Variants in GRM4 observed in about 807,000 individuals in gnomAD.
GRM4 encodes glutamate metabotropic receptor 4, also known as metabotropic glutamate receptor 4.
A neutral mutation model predicts 81.7 loss-of-function variants in GRM4; 28 were observed. That is an observed-to-expected ratio of 0.34 (90% CI 0.25 to 0.47). The LOEUF (loss-of-function observed/expected upper bound fraction) is 0.47. GRM4 is among the 20% of genes least tolerant of loss of function. The pLI, the probability that GRM4 is intolerant of heterozygous loss-of-function variation, is 1.00. For synonymous variants in GRM4, 488 were observed against 528.8 expected (o/e 0.92, Z 1.06); for missense variants, 948 against 1,290.0 (o/e 0.73, Z 4.06).
chr6:34,062,229 C>G (rs372633773), intron 3 of GRM4: 38 of 512,000 alleles, frequency 7.4e-5, no homozygotes, highest in African/African-American at 5.0e-4. Flanking sequence ...CACTTACCAG[C>G]TGGTGACCCT....
Position 34,035,909 on chromosome 6 carries a change from G to A in GRM4, c.2201C>T (p.Thr734Ile), listed in dbSNP as rs1764677689. 6.2e-7 allele frequency: 1 copy of A among 1,608,306 alleles called. No individual in the cohort carries two copies. ...ACCCCTGGCGAAGCGGGGGTCGAGT[G>A]TCCGCTGGTCCTGGAAGTCCACCAC... ...HSVVDFQDQR[T>I]LDPRFARGVL... is the part of the protein sequence containing the mutation. The change falls in exon 9 of 11, where the codon ACA (threonine) becomes ATA (isoleucine). Residue 734 changes from threonine (T) to isoleucine (I), a missense_variant. Thr to Ile is a moderately conservative substitution (Grantham distance 89, BLOSUM62 -1). Coordinates refer to ENST00000538487, the MANE Select transcript of GRM4 (RefSeq NM_000841.4). This position sits in a 1 kb window ranked among gnomAD's most constrained non-coding sequence, Gnocchi z 6.6.
rs114571842 is a variant in GRM4 at position 34,090,871 on chromosome 6, G to A, written c.736+1012C>T. ...TCGGGCACTGGTGAGCTGTGTAGAG[G>A]CAGGGCCTTGGGAGAGACCAGGGGC... On this transcript the variant is annotated intron_variant, in intron 3 of 10. Coordinates refer to ENST00000538487, the MANE Select transcript of GRM4 (RefSeq NM_000841.4). The surrounding 1 kb of genome is among the most constrained non-coding windows in gnomAD (Gnocchi z 5.2). 2.5e-3 allele frequency among the ~76,000 whole-genome samples: 383 copies of A among 152,220 alleles called. 1 individual carries two copies. The highest frequency in any genetic ancestry group is 8.8e-3 in the African/African-American group (367 of 41,526).
upstream of GRM4, among the ~76,000 whole-genome samples, chr6:34,148,949 G>C (rs1187216135): frequency 6.6e-6 from 1 of 152,144 alleles, no homozygotes; most frequent in East Asian, 1.9e-4. Context: ...GCAGGGGAAG[G>C]GGAAGGGTGA....
intron 2 of GRM4, among the ~76,000 whole-genome samples, chr6:34,113,768 G>A (rs560703576): frequency 6.6e-6 from 1 of 152,246 alleles, no homozygotes; most frequent in African/African-American, 2.4e-5. Context: ...CTGCAAATCT[G>A]GTCCTCACAT....
upstream of GRM4, among the ~76,000 whole-genome samples, chr6:34,147,648 C>T (rs544805239): frequency 2.6e-5 from 4 of 152,312 alleles, no homozygotes; most frequent in East Asian, 5.8e-4. Flanking sequence ...CAGGACAGCT[C>T]AAATTCACCC....
intron 3 of GRM4, among the ~76,000 whole-genome samples, chr6:34,071,392 C>T (rs1396450730): frequency 2.7e-5 from 1 of 36,442 alleles, no homozygotes; most frequent in Non-Finnish European, 5.5e-5. Context: ...CCACACACAT[C>T]ACATGGATAA....
Position 34,018,977 on chromosome 6 carries a change from A to AGGGGG in GRM4, c.*3839_*3843dup, listed in dbSNP as rs1763777862. 6.6e-6 allele frequency: 1 copy of AGGGGG among 152,520 alleles called. No individual in the cohort carries two copies. The highest frequency in any genetic ancestry group is 1.9e-4 in the East Asian group (1 of 5,176). 9.4% of individuals were successfully genotyped at this position (152,520 alleles called of 1,614,324 possible). A position where few individuals can be genotyped will look rare whatever the true frequency, so the allele number is the denominator to read the frequency against. ...GGGCAGATGGAAACCTGGGATGGGA[A>AGGGGG]GGGGGAGCCGTGGAGCCAGTGAGGG... On this transcript the variant is annotated 3_prime_UTR_variant, in exon 11 of 11. Coordinates refer to ENST00000538487, the MANE Select transcript of GRM4 (RefSeq NM_000841.4).
At chr6:34,040,495 C>T (rs1764954208) in intron 7 of GRM4, 53 bp downstream of exon 7, 9 of 1,526,052 alleles carry the variant, frequency 5.9e-6, no homozygotes, top group Admixed American at 1.8e-5. Flanking sequence ...CCCCTCCCCT[C>T]GGGCATGGCC....
At chr6:34,103,320 A>G (rs184034419) in intron 2 of GRM4, among the ~76,000 whole-genome samples, 339 of 152,208 alleles carry the variant, frequency 2.2e-3, no homozygotes, top group African/African-American at 7.8e-3. Context: ...CCTTTTAAAC[A>G]TTATATGTTT....
At chr6:34,086,454 T>C (rs1208897461) in intron 3 of GRM4, among the ~76,000 whole-genome samples, 1 of 152,162 alleles carries the variant, frequency 6.6e-6, no homozygotes, top group African/African-American at 2.4e-5. Flanking sequence ...GCCTCAGAAT[T>C]TCCTGCTGTT....
intron 2 of GRM4, among the ~76,000 whole-genome samples, chr6:34,104,947 G>A (rs1016983744): frequency 2.0e-5 from 3 of 152,210 alleles, no homozygotes; most frequent in Non-Finnish European, 2.9e-5. Context: ...TCAGTGTAGC[G>A]TCTGGGGTGT....
rs555335996 is a variant in GRM4, at chr6:34,036,681, C to G, written c.1507-78G>C. 2 of 754,004 alleles carry G rather than the reference C, an allele frequency of 2.7e-6. No individual in the cohort carries two copies. Among genetic ancestry groups the G allele is most frequent in the Admixed American group, 2.6e-5 (1 of 38,122 alleles). 46.7% of individuals were successfully genotyped at this position (754,004 alleles called of 1,614,324 possible). On this transcript the variant is annotated intron_variant, in intron 8 of 10. Transcript: ENST00000538487. This position sits in a 1 kb window ranked among gnomAD's most constrained non-coding sequence, Gnocchi z 9.0. The stretch of plus-strand genomic sequence containing the variant: ...CGGACCATCCTACTGGGTGGTGGCA[C>G]CTTGTAGCCCCACACTCAAATCACC...
intron 6 of GRM4, among the ~76,000 whole-genome samples, chr6:34,046,767 C>T (rs1316620719): frequency 6.6e-6 from 1 of 152,212 alleles, no homozygotes; most frequent in Non-Finnish European, 1.5e-5. Flanking sequence ...TCCATGTCTA[C>T]ACCACACACC....
intron 1 of GRM4, among the ~76,000 whole-genome samples, chr6:34,138,828 G>C (rs552748317): frequency 6.6e-6 from 1 of 152,300 alleles, no homozygotes; most frequent in East Asian, 1.9e-4. Context: ...GACGTGATGT[G>C]AGCCAAATGA....
intron 3 of GRM4, among the ~76,000 whole-genome samples, chr6:34,083,140 C>T (rs12211633): frequency 0.61 from 92,241 of 152,100 alleles, 30,618 homozygotes; most frequent in Non-Finnish European, 0.74. Context: ...CCATCAAGCT[C>T]AGAGGCGAAT....
At position 34,040,166 on chromosome 6, in the gene GRM4, C is replaced by T; in HGVS notation, c.1506+12G>A. On this transcript the variant is annotated intron_variant, in intron 8 of 10. Transcript: ENST00000538487. ...GAGTCACTCTCCACCCACTCCCTGC[C>T]CTCCCACTTACTCTAAGGTGCAGGT... 1 of 1,613,008 alleles carries T rather than the reference C, an allele frequency of 6.2e-7. No individual in the cohort carries two copies. The highest frequency in any genetic ancestry group is 8.5e-7 in the Non-Finnish European group (1 of 1,179,128).
chr6:34,151,323 C>CT (rs752515202), intron 1 of GRM4, among the ~76,000 whole-genome samples: 1 of 152,206 alleles, frequency 6.6e-6, no homozygotes, highest in Non-Finnish European at 1.5e-5. Flanking sequence ...CCTTCTCTCT[C>CT]TTGGTCCTCT....
At chr6:34,127,548 G>A (rs1770068917) in intron 2 of GRM4, among the ~76,000 whole-genome samples, 2 of 152,198 alleles carry the variant, frequency 1.3e-5, no homozygotes, top group Non-Finnish European at 2.9e-5. Context: ...TAAGCAGAGG[G>A]TTGAGTGGAT....
Position 34,044,789 on chromosome 6 carries a change from GACAT to G in GRM4, c.1169-4045_1169-4042del, listed in dbSNP as rs762702122. 4.8e-3 allele frequency among the ~76,000 whole-genome samples: 607 copies of G among 125,180 alleles called. 23 individuals are homozygous for G. The highest frequency in any genetic ancestry group is 0.017 in the African/African-American group (550 of 31,562). 82.1% of individuals were successfully genotyped at this position (125,180 alleles called of 152,430 possible). On this transcript the variant is annotated intron_variant, in intron 6 of 10. Coordinates refer to ENST00000538487, the MANE Select transcript of GRM4 (RefSeq NM_000841.4). ...ACATAGACATACACATACACACACA[GACAT>G]ACATACATACACATATATAGTCACA...
Sources: gnomAD v4.1 joint callset for allele counts (sites outside exome capture counted in the v4.1 genomes callset) on GRCh38, gnomAD v4.1.1 for gene constraint, Gnocchi (gnomAD v3.1) non-coding constraint, MANE v1.5 for transcripts, NCBI Gene and HGNC (gene_info 2026-07-23, HGNC 2026-07-21) for gene names.